Variants in DIAPH2 observed in about 807,000 individuals in gnomAD.
DIAPH2 encodes the protein diaphanous related formin 2.
Under a neutral mutation model 92.7 loss-of-function variants are expected in DIAPH2, and 35 were observed. The observed-to-expected ratio is 0.38, with a 90% CI of 0.29 to 0.50. DIAPH2 has a LOEUF of 0.50. DIAPH2 is among the 20% of genes least tolerant of loss of function. DIAPH2 has a pLI of 0.94. For synonymous variants in DIAPH2, 301 were observed against 280.4 expected (o/e 1.07, Z -0.73); for missense variants, 701 against 819.5 (o/e 0.86, Z 1.77).
At chrX:97,202,348 A>C (rs1244328123) in intron 22 of DIAPH2, among the ~76,000 whole-genome samples, 1 of 112,042 alleles carries the variant, frequency 8.9e-6, no homozygotes, top group African/African-American at 3.2e-5. Flanking sequence ...AAATGCCGCA[A>C]TTAAAAGACA....
intron 23 of DIAPH2, among the ~76,000 whole-genome samples, chrX:97,305,694 G>A (rs1469973731): frequency 1.9e-5 from 2 of 107,579 alleles, no homozygotes; most frequent in Non-Finnish European, 3.8e-5. Context: ...GTGGTGGTGC[G>A]TGCCTGTAAT....
intron 22 of DIAPH2, among the ~76,000 whole-genome samples, chrX:97,149,691 A>AC (rs2067271264): frequency 1.2e-5 from 1 of 83,933 alleles, no homozygotes; most frequent in African/African-American, 4.5e-5. Flanking sequence ...AGATCGCGCC[A>AC]CCGCACTCCA....
intron 19 of DIAPH2, among the ~76,000 whole-genome samples, chrX:97,091,898 G>A (rs1251330917): frequency 4.5e-5 from 5 of 111,708 alleles, no homozygotes; most frequent in Non-Finnish European, 9.4e-5. Context: ...GGTGGAGGGC[G>A]GGGGTGTTGC....
At chrX:96,895,553 C>T (rs1408573401) in intron 5 of DIAPH2, among the ~76,000 whole-genome samples, 1 of 111,743 alleles carries the variant, frequency 8.9e-6, no homozygotes, top group Non-Finnish European at 1.9e-5. Flanking sequence ...TCTTAGAAAA[C>T]TCATCCATGC....
chrX:97,189,439 C>T (rs1025207582), intron 22 of DIAPH2, among the ~76,000 whole-genome samples: 5 of 90,818 alleles, frequency 5.5e-5, no homozygotes, highest in Admixed American at 1.3e-4. Flanking sequence ...GTCCCCCCCC[C>T]TCCCTCCCTC....
Position 96,751,896 on chromosome X carries a change from G to A in DIAPH2, c.343-6258G>A, listed in dbSNP as rs185767602. On this transcript the variant is annotated intron_variant, in intron 3 of 26. Transcript: ENST00000324765. ...TCTCGATCTCCTGACCTCGTGATCC[G>A]CCCGCCTCGGCCTCCCAAAGTGCTG... 5.8e-4 allele frequency among the ~76,000 whole-genome samples: 56 copies of A among 96,734 alleles called. 1 individual carries two copies. In the Admixed American group the frequency reaches 6.1e-3, roughly 11 times the overall value. 84.0% of individuals were successfully genotyped at this position (96,734 alleles called of 115,157 possible).
chrX:97,229,301 A>T (rs1602432729), intron 22 of DIAPH2, among the ~76,000 whole-genome samples: 1 of 103,787 alleles, frequency 9.6e-6, no homozygotes, highest in Non-Finnish European at 2.0e-5. Context: ...TCAAGTAGTG[A>T]TATGGTGACA....
intron 22 of DIAPH2, among the ~76,000 whole-genome samples, chrX:97,173,831 C>T (rs1479458517): frequency 1.8e-5 from 2 of 108,328 alleles, no homozygotes; most frequent in Non-Finnish European, 3.8e-5. Context: ...TCACTTGACC[C>T]TGGGAGAAGC....
At chrX:97,454,885 A>G (rs2070390828) in intron 26 of DIAPH2, among the ~76,000 whole-genome samples, 1 of 111,535 alleles carries the variant, frequency 9.0e-6, no homozygotes, top group African/African-American at 3.3e-5. Context: ...TTAAATTTGT[A>G]AATGAAAAAG....
In DIAPH2 at chrX:97,430,175, G is replaced by A. The variant is rs763267697; in HGVS notation, c.3241+430G>A. On this transcript the variant is annotated intron_variant, in intron 26 of 26. Coordinates refer to ENST00000324765, the MANE Select transcript of DIAPH2 (RefSeq NM_006729.5). ...GAGACCGTTTTGGTTTTGCAGTGCAGTCTGTTCTCTGTGATCCATGTTAAT... is the reference window on the plus strand; with the variant it reads ...GAGACCGTTTTGGTTTTGCAGTGCAATCTGTTCTCTGTGATCCATGTTAAT... 5.4e-5 allele frequency among the ~76,000 whole-genome samples: 6 copies of A among 111,964 alleles called. No individual in the cohort carries two copies. The East Asian group carries it at 1.7e-3, about 31-fold the overall frequency.
At chrX:97,161,663 T>C (rs780543902) in intron 22 of DIAPH2, among the ~76,000 whole-genome samples, 7 of 111,725 alleles carry the variant, frequency 6.3e-5, no homozygotes, top group Non-Finnish European at 1.3e-4. Context: ...GGGAAGCCAT[T>C]GCCTACTCCT....
intron 23 of DIAPH2, chrX:97,341,117 G>A (rs1032379846): frequency 2.8e-5 from 3 of 107,745 alleles, no homozygotes; most frequent in African/African-American, 6.8e-5. Context: ...GCTTGAGCCC[G>A]GGAGTTCTGG....
chrX:97,173,890 A>C (rs1328941478), intron 22 of DIAPH2, among the ~76,000 whole-genome samples: 2 of 107,406 alleles, frequency 1.9e-5, no homozygotes, highest in Non-Finnish European at 3.8e-5. Flanking sequence ...CCTGAGTGAC[A>C]GAATGAGACC....
chrX:97,315,698 G>C (rs1056915639), intron 23 of DIAPH2, among the ~76,000 whole-genome samples: 8 of 108,186 alleles, frequency 7.4e-5, no homozygotes, highest in Admixed American at 1.0e-4. Context: ...AGCTGTAATA[G>C]AAAGAACACG....
intron 20 of DIAPH2, among the ~76,000 whole-genome samples, chrX:97,104,752 G>A (rs2066927879): frequency 9.0e-6 from 1 of 111,294 alleles, no homozygotes; most frequent in Non-Finnish European, 1.9e-5. Context: ...TAACTTCTTA[G>A]ATGATAAAAA....
chrX:97,093,528 A>G (rs2066843212), intron 19 of DIAPH2, among the ~76,000 whole-genome samples: 1 of 111,825 alleles, frequency 8.9e-6, no homozygotes. Context: ...GCTATTCAAT[A>G]CTCATAGTCA....
At chrX:96,976,849 T>G (rs2065965152) in intron 17 of DIAPH2, among the ~76,000 whole-genome samples, 1 of 111,579 alleles carries the variant, frequency 9.0e-6, no homozygotes, top group African/African-American at 3.3e-5. Context: ...ATAAATTTAT[T>G]AAACATTATA....
intron 17 of DIAPH2, among the ~76,000 whole-genome samples, chrX:96,976,714 C>T (rs1486705816): frequency 9.0e-6 from 1 of 110,771 alleles, no homozygotes; most frequent in Non-Finnish European, 1.9e-5. Flanking sequence ...AGCAAATAGA[C>T]TTCAAAATAG....
At chrX:97,108,098 C>T (rs1277197374) in intron 20 of DIAPH2, among the ~76,000 whole-genome samples, 1 of 110,626 alleles carries the variant, frequency 9.0e-6, no homozygotes, top group African/African-American at 3.3e-5. Context: ...ATTATATAAA[C>T]AAAACTGTGT....
Sources: allele counts gnomAD v4.1 joint callset (sites outside exome capture counted in the v4.1 genomes callset), GRCh38; gene constraint gnomAD v4.1.1; transcripts MANE v1.5; gene names NCBI Gene and HGNC (gene_info 2026-07-23, HGNC 2026-07-21).